Variants in RAVER2 observed in about 807,000 individuals in gnomAD.
RAVER2 encodes the protein ribonucleoprotein, PTB binding 2.
In RAVER2, 46 loss-of-function variants were observed where a neutral mutation model predicts 78.1. That is an observed-to-expected ratio of 0.59 (90% CI 0.46 to 0.75). The LOEUF (loss-of-function observed/expected upper bound fraction) is 0.75. Ranked by LOEUF, RAVER2 falls within the 30% of genes least tolerant of loss-of-function variation. RAVER2 has a pLI of 0.00. For missense variants in RAVER2, 793 were observed against 837.5 expected, an observed-to-expected ratio of 0.95 and a Z score of 0.66; for synonymous variants, 311 against 313.3, an observed-to-expected ratio of 0.99 and a Z score of 0.08.
At chr1:64,805,172 T>C in intron 8 of RAVER2, 67 bp downstream of exon 8, 1 of 1,398,528 alleles carries the variant, frequency 7.2e-7, no homozygotes, top group Non-Finnish European at 9.9e-7. Context: ...ATAGTTTACC[T>C]ATGTTCTAAT....
In RAVER2 at chr1:64,778,698, AAT is replaced by A. The variant is rs36073002; in HGVS notation, c.786+620_786+621del. Among the ~76,000 whole-genome samples, 926 of 148,312 alleles carry A rather than the reference AAT, an allele frequency of 6.2e-3. 11 individuals are homozygous for A. Among genetic ancestry groups the A allele is most frequent in the African/African-American group, 0.021 (847 of 40,738 alleles). ...TAGTAAAATTAAATACATTCTAATA[AAT>A]ATATATATATATACTATATATAACA... On this transcript the variant is annotated intron_variant, in intron 3 of 11. Transcript: ENST00000294428.
At chr1:64,781,320 G>A (rs1339377295) in intron 3 of RAVER2, 60 bp from the exon 4 acceptor site, 16 of 1,404,848 alleles carry the variant, frequency 1.1e-5, no homozygotes, top group East Asian at 7.0e-5. Context: ...ATTATATATC[G>A]TAAATAAATG....
intron 5 of RAVER2, 123 bp downstream of exon 5, chr1:64,789,637 T>C: frequency 1.2e-6 from 1 of 818,810 alleles, no homozygotes; most frequent in Non-Finnish European, 1.6e-6. Flanking sequence ...GTATAAAATA[T>C]TTAATTTTTC....
intron 10 of RAVER2, among the ~76,000 whole-genome samples, chr1:64,813,496 G>A (rs995683371): frequency 6.6e-6 from 1 of 151,990 alleles, no homozygotes; most frequent in Non-Finnish European, 1.5e-5. Context: ...TTTATTTAAA[G>A]TTATATATCC....
At chr1:64,807,236 T>C (rs1362198497) in exon 9 of RAVER2, 1 of 1,614,012 alleles carries the variant, frequency 6.2e-7, no homozygotes, top group Non-Finnish European at 8.5e-7. Context: ...CAAACAACGA[T>C]AACAGCTGGA....
At chr1:64,750,511 A>T (rs1327711843) in intron 1 of RAVER2, among the ~76,000 whole-genome samples, 2 of 151,934 alleles carry the variant, frequency 1.3e-5, no homozygotes, top group African/African-American at 4.8e-5. Context: ...CGGTCTCTCT[A>T]TGTTGCCCAG....
intron 9 of RAVER2, among the ~76,000 whole-genome samples, chr1:64,809,620 A>G (rs917201405): frequency 6.6e-6 from 1 of 152,202 alleles, no homozygotes; most frequent in Non-Finnish European, 1.5e-5. Flanking sequence ...TATACATAAC[A>G]TACAATTTAC....
chr1:64,747,805 G>A (rs1036475732), intron 1 of RAVER2, among the ~76,000 whole-genome samples: 3 of 152,164 alleles, frequency 2.0e-5, no homozygotes, highest in Admixed American at 2.0e-4. Flanking sequence ...GTGAGCCACT[G>A]TGCCTGGCCT....
At chr1:64,765,909 C>G (rs1263317651) in intron 1 of RAVER2, among the ~76,000 whole-genome samples, 2 of 152,090 alleles carry the variant, frequency 1.3e-5, no homozygotes, top group Non-Finnish European at 2.9e-5. Context: ...GAAACTAAGT[C>G]TGTGAAGAGC....
intron 1 of RAVER2, among the ~76,000 whole-genome samples, chr1:64,748,848 A>C (rs1651616196): frequency 6.6e-6 from 1 of 151,808 alleles, no homozygotes; most frequent in African/African-American, 2.4e-5. Context: ...GTTTTTATTT[A>C]TTGTTTTGAG....
intron 9 of RAVER2, among the ~76,000 whole-genome samples, chr1:64,809,415 C>T (rs1653539402): frequency 2.6e-5 from 4 of 151,858 alleles, no homozygotes; most frequent in South Asian, 2.1e-4. Context: ...GATGTTTAGA[C>T]CTGCATCTTT....
intron 1 of RAVER2, among the ~76,000 whole-genome samples, chr1:64,762,859 G>A (rs536117835): frequency 6.6e-6 from 1 of 152,234 alleles, no homozygotes; most frequent in Admixed American, 6.5e-5. Context: ...GCATTAACCA[G>A]AAAAGAAGAT....
rs190289013 is a variant in RAVER2 at position 64,779,828 on chromosome 1, C to T, written c.787-1552C>T. On this transcript the variant is annotated intron_variant, in intron 3 of 11. Transcript: ENST00000294428. ...TTAGAGATTATCTAGTATAGCTTTA[C>T]ATGTCATAGAAAATATTTGCTACCA... Among the ~76,000 whole-genome samples, 16 of 151,534 alleles carry T rather than the reference C, an allele frequency of 1.1e-4. No homozygotes were observed. The East Asian group carries it at 2.7e-3, about 26-fold the overall frequency.
chr1:64,823,404 ATGAT>A (rs993600257), intron 11 of RAVER2, among the ~76,000 whole-genome samples: 1 of 152,222 alleles, frequency 6.6e-6, no homozygotes, highest in Non-Finnish European at 1.5e-5. Flanking sequence ...TATTTGAACT[ATGAT>A]TGGGAAAACT....
At chr1:64,829,675 T>C (rs1654078619) in intron 11 of RAVER2, among the ~76,000 whole-genome samples, 1 of 152,040 alleles carries the variant, frequency 6.6e-6, no homozygotes, top group Non-Finnish European at 1.5e-5. Context: ...CTCACCTGCT[T>C]CCCTTCTAAC....
rs1481688837 is a variant in RAVER2 at position 64,745,403 on chromosome 1, C to T, written c.231C>T (p.Pro77=). 11 of 1,536,862 alleles carry T rather than the reference C, an allele frequency of 7.2e-6. No individual in the cohort carries two copies. In the Admixed American group the frequency reaches 1.4e-4, roughly 19 times the overall value. ...GGAAAATCCTGGTGAAAAACCTGCC[C>T]CAGGACAGCAACTGCCAGGTACTGG... Residue 77 remains proline, a synonymous_variant, in exon 1 of 12, where the codon CCC becomes CCT. Coordinates refer to ENST00000294428, the Ensembl canonical transcript of RAVER2. This position sits in a 1 kb window ranked among gnomAD's most constrained non-coding sequence, Gnocchi z 4.3.
At chr1:64,781,499 C>T (rs1652627308) in exon 4 of RAVER2, 2 of 1,614,004 alleles carry the variant, frequency 1.2e-6, no homozygotes, top group Non-Finnish European at 8.5e-7. Flanking sequence ...GCAGCAAAGT[C>T]CAGGTTTCCT....
At chr1:64,781,353 A>G (rs1414548745) in intron 3 of RAVER2, 27 bp from the exon 4 acceptor site, 5 of 1,487,224 alleles carry the variant, frequency 3.4e-6, no homozygotes, top group Non-Finnish European at 4.5e-6. Context: ...GATCGGAATT[A>G]CTGTTTAATA....
chr1:64,768,791 C>T, intron 2 of RAVER2, 69 bp downstream of exon 2: 2 of 1,002,086 alleles, frequency 2.0e-6, no homozygotes, highest in East Asian at 5.0e-5. Context: ...AACAAAAAAG[C>T]TCAGTGTCTT....
Sources: gnomAD v4.1 joint callset for allele counts (sites outside exome capture counted in the v4.1 genomes callset) on GRCh38, gnomAD v4.1.1 for gene constraint, Gnocchi (gnomAD v3.1) non-coding constraint, MANE v1.5 for transcripts, NCBI Gene and HGNC (gene_info 2026-07-23, HGNC 2026-07-21) for gene names.